Variants in ADAMTS6 observed in about 807,000 individuals in gnomAD.
ADAMTS6 encodes the protein A disintegrin and metalloproteinase with thrombospondin motifs 6.
ADAMTS6 carries 23 observed loss-of-function variants against 144.3 expected under a neutral mutation model. The observed-to-expected ratio is 0.16, with a 90% CI of 0.11 to 0.23. ADAMTS6 has a LOEUF of 0.23. Among genes scored for constraint, ADAMTS6 ranks in the 10% least tolerant of loss-of-function variants. ADAMTS6 has a pLI of 1.00. For missense variants in ADAMTS6, 999 were observed against 1,379.6 expected (o/e 0.72, Z 4.37); for synonymous variants, 444 against 457.5 (o/e 0.97, Z 0.38).
At chr5:65,416,291 C>G (rs1755501409) in intron 7 of ADAMTS6, 1 of 153,104 alleles carries the variant, frequency 6.5e-6, no homozygotes, top group Non-Finnish European at 1.5e-5. Flanking sequence ...GACACAATAA[C>G]AAGTGTTGGT....
chr5:65,462,041 G>A (rs1373618563), intron 3 of ADAMTS6, among the ~76,000 whole-genome samples: 2 of 152,262 alleles, frequency 1.3e-5, no homozygotes, highest in East Asian at 1.9e-4. Context: ...GCAGCCCTGA[G>A]TCACTTCATA....
chr5:65,189,894 C>A (rs1381881825), intron 21 of ADAMTS6, among the ~76,000 whole-genome samples: 11 of 152,162 alleles, frequency 7.2e-5, no homozygotes, highest in Admixed American at 6.5e-4. Context: ...ATAAATCATG[C>A]AGTTATTCTC....
At chr5:65,213,527 C>T (rs1364023212) in intron 20 of ADAMTS6, among the ~76,000 whole-genome samples, 1 of 151,544 alleles carries the variant, frequency 6.6e-6, no homozygotes, top group Non-Finnish European at 1.5e-5. Context: ...CCTAGCTACT[C>T]AGAAGGTTGA....
chr5:65,460,052 T>C (rs1580760141), intron 4 of ADAMTS6, 118 bp downstream of exon 4: 1 of 1,140,310 alleles, frequency 8.8e-7, no homozygotes. Flanking sequence ...GCTCTGGACA[T>C]TATAATTGTA....
At chr5:65,253,192 AATTTTCT>A (rs1489000724) in intron 14 of ADAMTS6, among the ~76,000 whole-genome samples, 1 of 152,148 alleles carries the variant, frequency 6.6e-6, no homozygotes, top group Non-Finnish European at 1.5e-5. Context: ...GTACCCAGCC[AATTTTCT>A]ATTTTCTATT....
intron 18 of ADAMTS6, among the ~76,000 whole-genome samples, chr5:65,222,101 T>C (rs1185363344): frequency 6.6e-6 from 1 of 152,230 alleles, no homozygotes; most frequent in East Asian, 1.9e-4. Context: ...TAAAAAGATT[T>C]GTCTCAATTG....
At chr5:65,444,257 T>C (rs1758094916) in intron 7 of ADAMTS6, among the ~76,000 whole-genome samples, 1 of 152,088 alleles carries the variant, frequency 6.6e-6, no homozygotes, top group East Asian at 1.9e-4. Context: ...CTGGGTATGG[T>C]GGCAGGCACC....
chr5:65,397,296 C>T (rs1240465868), intron 7 of ADAMTS6, among the ~76,000 whole-genome samples: 2 of 151,706 alleles, frequency 1.3e-5, no homozygotes, highest in Admixed American at 1.3e-4. Context: ...TTATTGACTT[C>T]CTGTTTTCAA....
At chr5:65,221,998 G>A (rs1757355558) in intron 18 of ADAMTS6, among the ~76,000 whole-genome samples, 1 of 152,026 alleles carries the variant, frequency 6.6e-6, no homozygotes, top group Non-Finnish European at 1.5e-5. Flanking sequence ...TAAATGTAGA[G>A]GTAAATCTTT....
chr5:65,238,939 CA>C (rs1166638167), intron 15 of ADAMTS6, among the ~76,000 whole-genome samples: 1 of 152,036 alleles, frequency 6.6e-6, no homozygotes, highest in Non-Finnish European at 1.5e-5. Context: ...ACAACTGATG[CA>C]AAAATTTACA....
rs1763107817 is a variant in ADAMTS6 at position 65,283,032 on chromosome 5, TAAATATG to T, written c.1512+8290_1512+8296del. 2.0e-5 allele frequency among the ~76,000 whole-genome samples: 3 copies of T among 152,230 alleles called. No homozygotes were observed. In the South Asian group the frequency reaches 6.2e-4, roughly 32 times the overall value. On this transcript the variant is annotated intron_variant, in intron 11 of 24. Transcript: ENST00000381055. ...TCTAGGCATGTTGGGTCCTTGATTC[TAAATATG>T]AAACATCCTCTTTGTCCACATTAGC...
intron 9 of ADAMTS6, among the ~76,000 whole-genome samples, chr5:65,328,790 A>G (rs1375100221): frequency 6.6e-6 from 1 of 151,936 alleles, no homozygotes; most frequent in Non-Finnish European, 1.5e-5. Context: ...GGGGCAGGGT[A>G]CATAAGATAG....
intron 9 of ADAMTS6, among the ~76,000 whole-genome samples, chr5:65,320,600 TTAC>T (rs1056342096): frequency 6.6e-6 from 1 of 152,062 alleles, no homozygotes; most frequent in Non-Finnish European, 1.5e-5. Flanking sequence ...TGAAGGTTTG[TTAC>T]ATAGGTAAAT....
chr5:65,226,286 T>C (rs1425799182), intron 15 of ADAMTS6, 67 bp from the exon 16 acceptor site: 17 of 1,514,766 alleles, frequency 1.1e-5, no homozygotes, highest in Non-Finnish European at 1.5e-5. Context: ...TTCAGTATTA[T>C]CTATGGCAAA....
chr5:65,288,101 A>T (rs1176564757), intron 11 of ADAMTS6, among the ~76,000 whole-genome samples: 2 of 152,050 alleles, frequency 1.3e-5, no homozygotes, highest in Non-Finnish European at 2.9e-5. Flanking sequence ...AAACAGAAAA[A>T]TTTTCATGTA....
intron 10 of ADAMTS6, among the ~76,000 whole-genome samples, chr5:65,293,835 T>C (rs1742559868): frequency 6.6e-6 from 1 of 152,196 alleles, no homozygotes; most frequent in South Asian, 2.1e-4. Flanking sequence ...GAAGCACCTA[T>C]TGCTTTGTAT....
intron 14 of ADAMTS6, among the ~76,000 whole-genome samples, chr5:65,255,849 A>G (rs933138840): frequency 6.6e-6 from 1 of 152,094 alleles, no homozygotes; most frequent in Non-Finnish European, 1.5e-5. Flanking sequence ...TTATGTATTT[A>G]TTCATTTTTT....
Position 65,471,082 on chromosome 5 carries a change from T to C in ADAMTS6, c.158A>G (p.Asn53Ser). 2.5e-6 allele frequency: 4 copies of C among 1,610,804 alleles called. No homozygotes were observed. The highest frequency in any genetic ancestry group is 3.4e-6 in the Non-Finnish European group (4 of 1,178,840). ...QLTIPIRVDQ[N>S]GAFLSFTVKN... ...CACAGTAAAGCTGAGAAATGCTCCATTTTGATCAACCCTTATTGGAATAGT... is the reference window on the plus strand; with the variant it reads ...CACAGTAAAGCTGAGAAATGCTCCACTTTGATCAACCCTTATTGGAATAGT... Residue 53 changes from asparagine (N) to serine (S), a missense_variant, in exon 3 of 25, where the codon AAT becomes AGT. By Grantham distance (46) the Asn-to-Ser change is conservative. This residue lies in a region of ADAMTS6 where 252 missense variants were observed against 293.7 expected (regional missense o/e 0.86). Transcript: ENST00000381055.
At chr5:65,155,950 T>C (rs1304261114) in intron 24 of ADAMTS6, among the ~76,000 whole-genome samples, 2 of 152,224 alleles carry the variant, frequency 1.3e-5, no homozygotes, top group African/African-American at 4.8e-5. Context: ...ATTATCCCTT[T>C]ATACTTTTTG....
Sources: allele counts gnomAD v4.1 joint callset (sites outside exome capture counted in the v4.1 genomes callset), GRCh38; gene constraint gnomAD v4.1.1; regional missense constraint gnomAD v4.1.1; transcripts MANE v1.5; gene names NCBI Gene and HGNC (gene_info 2026-07-23, HGNC 2026-07-21).